Variants in SPTSSB observed in about 807,000 individuals in gnomAD.
SPTSSB encodes serine palmitoyltransferase small subunit B.
Under a neutral mutation model 7.7 loss-of-function variants are expected in SPTSSB, and 6 were observed. The ratio of observed to expected loss-of-function variants is 0.78; its 90% CI spans 0.43 to 1.54. The LOEUF is 1.54. Among genes scored for constraint, SPTSSB ranks in the 40% most tolerant of loss-of-function variants. The pLI, the probability that SPTSSB is intolerant of heterozygous loss-of-function variation, is 0.01. For missense variants in SPTSSB, 91 were observed against 93.0 expected (o/e 0.98, Z 0.09); for synonymous variants, 28 against 29.7 (o/e 0.94, Z 0.19).
At chr3:161,349,351 T>C (rs1714413807) in intron 2 of SPTSSB, among the ~76,000 whole-genome samples, 1 of 152,190 alleles carries the variant, frequency 6.6e-6, no homozygotes, top group Non-Finnish European at 1.5e-5. Flanking sequence ...AAATTAATTA[T>C]CCACTGATAA....
rs1485118124 is a variant in SPTSSB, at chr3:161,345,288, C to T, written c.*805G>A. Reference sequence around the variant, plus strand: ...CCCAATACATGCTTTTTTCCCTCTACACTGAATGAAAGTACAAAAAGAAAA... The same window carrying T: ...CCCAATACATGCTTTTTTCCCTCTATACTGAATGAAAGTACAAAAAGAAAA... On this transcript the variant is annotated 3_prime_UTR_variant, in exon 3 of 3. Coordinates refer to ENST00000620149, the MANE Select transcript of SPTSSB (RefSeq NM_001040100.2). 1 of 152,542 alleles carries T rather than the reference C, an allele frequency of 6.6e-6. No individual in the cohort carries two copies. The highest frequency in any genetic ancestry group is 1.5e-5 in the Non-Finnish European group (1 of 68,020). 9.4% of individuals were successfully genotyped at this position (152,542 alleles called of 1,614,324 possible).
chr3:161,369,262 C>CTT (rs1205735933), intron 1 of SPTSSB, among the ~76,000 whole-genome samples: 2 of 148,536 alleles, frequency 1.3e-5, no homozygotes, highest in African/African-American at 5.0e-5. Context: ...TTCTTTCTTT[C>CTT]TCTTTCTTTT....
Position 161,359,619 on chromosome 3 carries a change from C to G in SPTSSB, c.-33+183G>C, listed in dbSNP as rs565417874. On this transcript the variant is annotated intron_variant, in intron 2 of 2. Coordinates refer to ENST00000620149, the MANE Select transcript of SPTSSB (RefSeq NM_001040100.2). ...TCCGTAAGTTGAGACCTCCAAATTA[C>G]TAGAGCTAATTGCCCCATTTTATTC... 30 of 601,216 alleles carry G rather than the reference C, an allele frequency of 5.0e-5. No homozygotes were observed. The African/African-American group carries it at 5.4e-4, about 11-fold the overall frequency. The allele number at this position is 601,216 out of a possible 1,614,324, so 37.2% of individuals were successfully genotyped here. A position where few individuals can be genotyped will look rare whatever the true frequency, so the allele number is the denominator to read the frequency against.
chr3:161,363,652 G>A lies in SPTSSB; in HGVS notation c.-125-3758C>T, dbSNP rs953312835. On this transcript the variant is annotated intron_variant, in intron 1 of 2. Transcript: ENST00000620149. ...AACTTTGTATATTGTTAACACTTTG[G>A]AGTTTTTTCTATGCATGTTTTACTT... Among the ~76,000 whole-genome samples, 4 of 151,832 alleles carry A rather than the reference G, an allele frequency of 2.6e-5. 1 individual carries two copies. Among genetic ancestry groups the A allele is most frequent in the East Asian group, 1.9e-4 (1 of 5,184 alleles).
chr3:161,371,472 C>T lies in SPTSSB; in HGVS notation c.-163G>A, dbSNP rs938309378. 2 of 985,464 alleles carry T rather than the reference C, an allele frequency of 2.0e-6. No individual in the cohort carries two copies. Among genetic ancestry groups the T allele is most frequent in the South Asian group, 9.4e-5 (2 of 21,278 alleles). The allele number at this position is 985,464 out of a possible 1,614,324, so 61.0% of individuals were successfully genotyped here. On this transcript the variant is annotated 5_prime_UTR_variant, in exon 1 of 3. Coordinates refer to ENST00000620149, the MANE Select transcript of SPTSSB (RefSeq NM_001040100.2). ...TGTATCTCCCTGCGGCTTAGGTGAG[C>T]GCCGAGGCTTTGGCTCCTCCCCAGC...
chr3:161,357,443 G>A (rs923889119), intron 2 of SPTSSB, among the ~76,000 whole-genome samples: 2 of 152,188 alleles, frequency 1.3e-5, no homozygotes, highest in Non-Finnish European at 2.9e-5. Flanking sequence ...GCAAAGAAAA[G>A]GAGTGGTGAG....
chr3:161,348,697 A>C (rs1205078545), intron 2 of SPTSSB, among the ~76,000 whole-genome samples: 1 of 152,182 alleles, frequency 6.6e-6, no homozygotes, highest in Non-Finnish European at 1.5e-5. Context: ...AAGATTAAAA[A>C]AATTTTTTTT....
Position 161,346,043 on chromosome 3 carries a change from T to G in SPTSSB, c.*50A>C, listed in dbSNP as rs906051245. The G allele has an allele frequency of 2.1e-6, 2 of 962,510 alleles. No individual in the cohort carries two copies. The highest frequency in any genetic ancestry group is 3.2e-5 in the African/African-American group (2 of 62,304). The allele number at this position is 962,510 out of a possible 1,614,324, so 59.6% of individuals were successfully genotyped here. A position where few individuals can be genotyped will look rare whatever the true frequency, so the allele number is the denominator to read the frequency against. ...ACAATAGTTACCTAAATCAATAAGC[T>G]GTAAGCAACATATAAATATGCAATG... On this transcript the variant is annotated 3_prime_UTR_variant, in exon 3 of 3. Transcript: ENST00000620149.
At chr3:161,349,281 T>C (rs1714411255) in intron 2 of SPTSSB, among the ~76,000 whole-genome samples, 1 of 151,942 alleles carries the variant, frequency 6.6e-6, no homozygotes, top group African/African-American at 2.4e-5. Context: ...CATGGAAAAA[T>C]GCTAAGAAGA....
At chr3:161,367,424 G>T (rs896172954) in intron 1 of SPTSSB, among the ~76,000 whole-genome samples, 1 of 152,090 alleles carries the variant, frequency 6.6e-6, no homozygotes, top group East Asian at 1.9e-4. Flanking sequence ...TAAAGCTAAG[G>T]GTATGGTTTG....
intron 2 of SPTSSB, among the ~76,000 whole-genome samples, chr3:161,353,488 A>T (rs1444489777): frequency 6.6e-6 from 1 of 152,166 alleles, no homozygotes; most frequent in Non-Finnish European, 1.5e-5. Context: ...ACTACTTGAA[A>T]GGTATTGGAA....
intron 2 of SPTSSB, among the ~76,000 whole-genome samples, chr3:161,354,708 C>A (rs1037913426): frequency 1.3e-5 from 2 of 152,180 alleles, no homozygotes; most frequent in African/African-American, 4.8e-5. Context: ...ATTTAAAAAA[C>A]ATGTATTTCT....
intron 2 of SPTSSB, among the ~76,000 whole-genome samples, chr3:161,355,127 G>A (rs1714710792): frequency 6.6e-6 from 1 of 152,160 alleles, no homozygotes; most frequent in Non-Finnish European, 1.5e-5. Context: ...AATACTGGAA[G>A]GGAGAGTAGG....
rs1170676825 is a variant in SPTSSB at position 161,359,807 on chromosome 3, A to G, written c.-38T>C. 6 of 985,304 alleles carry G rather than the reference A, an allele frequency of 6.1e-6. No homozygotes were observed. Among genetic ancestry groups the G allele is most frequent in the East Asian group, 1.1e-4 (1 of 8,824 alleles). The allele number at this position is 985,304 out of a possible 1,614,324, so 61.0% of individuals were successfully genotyped here. On this transcript the variant is annotated 5_prime_UTR_variant, in exon 2 of 3. Transcript: ENST00000620149. ...TATAATCAGAATTTACTTGCCTAAG[A>G]AAGTCCAGGTCTGGTTCTTCAGCCT...
chr3:161,364,809 A>G (rs1215054782), intron 1 of SPTSSB, among the ~76,000 whole-genome samples: 2 of 152,140 alleles, frequency 1.3e-5, no homozygotes, highest in Admixed American at 6.6e-5. Context: ...TTGGCTATAT[A>G]TGGGGAATGT....
Position 161,346,121 on chromosome 3 carries a change from C to A in SPTSSB, c.203G>T (p.Cys68Phe). Residue 68 changes from cysteine to phenylalanine, a missense_variant, in exon 3 of 3, where the codon TGT (cysteine) becomes TTT (phenylalanine). Physicochemically the swap from Cys to Phe is radical, Grantham distance 205 (BLOSUM62 -2). Coordinates refer to ENST00000620149, the MANE Select transcript of SPTSSB (RefSeq NM_001040100.2). ...ATTAGAAATTGTACTGTGATATCCA[C>A]ATATTTTTGAGAAAAATTCCCAAGC... Reference protein sequence around the residue: ...RLAWEFFSKICGYHSTISN With the variant: ...RLAWEFFSKIFGYHSTISN The A allele has an allele frequency of 6.3e-7, 1 of 1,597,208 alleles. No individual in the cohort carries two copies. The highest frequency in any genetic ancestry group is 1.1e-5 in the South Asian group (1 of 90,754).
intron 1 of SPTSSB, among the ~76,000 whole-genome samples, chr3:161,361,354 A>G (rs1380374833): frequency 6.6e-6 from 1 of 152,182 alleles, no homozygotes; most frequent in Non-Finnish European, 1.5e-5. Flanking sequence ...AAGTGTTGCT[A>G]TGCATCAGGA....
chr3:161,359,815 G>T lies in SPTSSB; in HGVS notation c.-46C>A. On this transcript the variant is annotated 5_prime_UTR_variant, in exon 2 of 3. The change creates a new upstream start codon in the 5' untranslated region. Transcript: ENST00000620149. ...GAATTTACTTGCCTAAGAAAGTCCA[G>T]GTCTGGTTCTTCAGCCTTGCTCCTT... is the stretch of plus-strand genomic sequence containing the variant. 1 of 985,334 alleles carries T rather than the reference G, an allele frequency of 1.0e-6. No homozygotes were observed. The highest frequency in any genetic ancestry group is 1.2e-6 in the Non-Finnish European group (1 of 829,864). The allele number at this position is 985,334 out of a possible 1,614,324, so 61.0% of individuals were successfully genotyped here.
chr3:161,347,120 C>T (rs77944135), intron 2 of SPTSSB, among the ~76,000 whole-genome samples: 3,509 of 152,204 alleles, frequency 0.023, 141 homozygotes, highest in African/African-American at 0.079. Context: ...CTACTCTTCC[C>T]TAGGGCATTA....
Sources: allele counts gnomAD v4.1 joint callset (sites outside exome capture counted in the v4.1 genomes callset), GRCh38; gene constraint gnomAD v4.1.1; transcripts MANE v1.5; gene names NCBI Gene and HGNC (gene_info 2026-07-23, HGNC 2026-07-21).